The following PPP2R2B variants were observed in gnomAD, a reference collection of about 807,000 sequenced individuals.
PPP2R2B encodes protein phosphatase 2 regulatory subunit Bbeta.
A neutral mutation model predicts 46.0 loss-of-function variants in PPP2R2B; 5 were observed. That is an observed-to-expected ratio of 0.11 (90% CI 0.06 to 0.23). The LOEUF (loss-of-function observed/expected upper bound fraction) is 0.23, where lower values mean the gene tolerates loss of function less well. PPP2R2B is among the 10% of genes least tolerant of loss of function. PPP2R2B has a pLI of 1.00. For missense variants in PPP2R2B, 367 were observed against 575.0 expected (o/e 0.64, Z 3.70); for synonymous variants, 215 against 206.7 (o/e 1.04, Z -0.34).
chr5:146,693,896 A>G (rs374028922), intron 4 of PPP2R2B, among the ~76,000 whole-genome samples: 5 of 152,154 alleles, frequency 3.3e-5, no homozygotes, highest in African/African-American at 1.2e-4. Flanking sequence ...AGCACATCCT[A>G]TTTCTTATCT....
At position 146,912,820 on chromosome 5, in the gene PPP2R2B, G is replaced by GATTC. The variant is rs199653364; in HGVS notation, c.79+142841_79+142844dup. Among the ~76,000 whole-genome samples the GATTC allele has an allele frequency of 6.4e-3, 977 of 152,002 alleles. 11 individuals carry two copies. Among genetic ancestry groups the GATTC allele is most frequent in the African/African-American group, 0.022 (932 of 41,474 alleles). On this transcript the variant is annotated intron_variant, in intron 1 of 8. Transcript: ENST00000336640. ...CCGCACCCGGCCTCTTTCAACTTTT[G>GATTC]ATTCATTCATTCATCTGCTTATTAA...
chr5:147,008,032 C>T (rs936879467), intron 1 of PPP2R2B, among the ~76,000 whole-genome samples: 8 of 152,130 alleles, frequency 5.3e-5, no homozygotes, highest in African/African-American at 1.9e-4. Context: ...CAAGAAAAAC[C>T]TTTGGATCGA....
At chr5:146,863,627 CCCAT>C (rs932394817) in intron 2 of PPP2R2B, among the ~76,000 whole-genome samples, 48 of 150,242 alleles carry the variant, frequency 3.2e-4, no homozygotes, top group East Asian at 9.7e-4. Context: ...CATTCAACTG[CCCAT>C]CCATCCATCT....
At chr5:146,701,730 G>C (rs1779551445) in intron 2 of PPP2R2B, among the ~76,000 whole-genome samples, 1 of 152,190 alleles carries the variant, frequency 6.6e-6, no homozygotes, top group African/African-American at 2.4e-5. Context: ...CATCCTTCTG[G>C]AAGAGCATGA....
intron 2 of PPP2R2B, among the ~76,000 whole-genome samples, chr5:146,846,045 TTAAAA>T (rs981249475): frequency 1.1e-4 from 16 of 152,342 alleles, no homozygotes; most frequent in African/African-American, 3.8e-4. Flanking sequence ...TGATTACATA[TTAAAA>T]TAATATTTTT....
At chr5:146,929,407 C>T (rs565315668) in intron 1 of PPP2R2B, among the ~76,000 whole-genome samples, 2 of 152,112 alleles carry the variant, frequency 1.3e-5, no homozygotes, top group East Asian at 3.9e-4. Flanking sequence ...TTCTATGGTT[C>T]TGATATAGTT....
chr5:146,850,325 T>C (rs1760266645), intron 2 of PPP2R2B, among the ~76,000 whole-genome samples: 1 of 152,184 alleles, frequency 6.6e-6, no homozygotes. Flanking sequence ...GCAGCCAGAA[T>C]AGTATTTTTG....
chr5:146,912,889 T>C (rs1763243368), intron 1 of PPP2R2B, among the ~76,000 whole-genome samples: 1 of 152,210 alleles, frequency 6.6e-6, no homozygotes, highest in Non-Finnish European at 1.5e-5. Flanking sequence ...TGTCAAGTAC[T>C]ACCGTCATAT....
At chr5:146,810,720 TAATA>T (rs1757482117) in intron 2 of PPP2R2B, among the ~76,000 whole-genome samples, 1 of 151,992 alleles carries the variant, frequency 6.6e-6, no homozygotes, top group Admixed American at 6.5e-5. Context: ...TTTTTCTTTT[TAATA>T]TATATATTTT....
intron 2 of PPP2R2B, among the ~76,000 whole-genome samples, chr5:146,708,370 A>G (rs1780005420): frequency 6.7e-6 from 1 of 149,602 alleles, no homozygotes; most frequent in African/African-American, 2.5e-5. Flanking sequence ...AAAAAAAAAA[A>G]CACTGTATAT....
At chr5:146,624,910 C>G (rs551954942) in intron 7 of PPP2R2B, among the ~76,000 whole-genome samples, 1 of 152,354 alleles carries the variant, frequency 6.6e-6, no homozygotes, top group Admixed American at 6.5e-5. Context: ...TTCAGAGCCA[C>G]TCCATTTGCT....
At chr5:146,841,712 T>C (rs1469010769) in intron 2 of PPP2R2B, among the ~76,000 whole-genome samples, 1 of 152,122 alleles carries the variant, frequency 6.6e-6, no homozygotes, top group Non-Finnish European at 1.5e-5. Flanking sequence ...ATGTTCTCAC[T>C]TATAAGTGGG....
chr5:147,037,431 T>C (rs1208367579), intron 1 of PPP2R2B, among the ~76,000 whole-genome samples: 3 of 151,966 alleles, frequency 2.0e-5, no homozygotes, highest in South Asian at 2.1e-4. Context: ...TACATATATG[T>C]ATATGTATAT....
At chr5:146,902,040 A>G (rs1762851807) in intron 1 of PPP2R2B, among the ~76,000 whole-genome samples, 1 of 152,190 alleles carries the variant, frequency 6.6e-6, no homozygotes, top group South Asian at 2.1e-4. Flanking sequence ...TGAAGAGCTG[A>G]AAGCACAGCA....
At chr5:146,975,082 AAACTCACATTATTGTTC>A (rs927765007) in intron 1 of PPP2R2B, among the ~76,000 whole-genome samples, 1 of 152,162 alleles carries the variant, frequency 6.6e-6, no homozygotes, top group Non-Finnish European at 1.5e-5. Flanking sequence ...AGTGTTACAT[AAACTCACATTATTGTTC>A]AACCAATCTC....
intron 2 of PPP2R2B, among the ~76,000 whole-genome samples, chr5:146,736,451 A>G (rs1404236282): frequency 6.6e-6 from 1 of 152,236 alleles, no homozygotes; most frequent in Non-Finnish European, 1.5e-5. Context: ...TTTAAAAATG[A>G]GTAAACTGAG....
chr5:146,962,901 G>C (rs1216638644), intron 1 of PPP2R2B, among the ~76,000 whole-genome samples: 1 of 152,110 alleles, frequency 6.6e-6, no homozygotes, highest in African/African-American at 2.4e-5. Context: ...GCTACCTCTT[G>C]TTTTACAGGT....
At chr5:146,734,725 C>A (rs1752437068) in intron 2 of PPP2R2B, among the ~76,000 whole-genome samples, 1 of 152,156 alleles carries the variant, frequency 6.6e-6, no homozygotes, top group African/African-American at 2.4e-5. Flanking sequence ...TGGATAAAAT[C>A]AATGTCTACC....
At chr5:146,903,281 C>T (rs1375494247) in intron 1 of PPP2R2B, among the ~76,000 whole-genome samples, 4 of 151,778 alleles carry the variant, frequency 2.6e-5, no homozygotes, top group African/African-American at 9.7e-5. Context: ...CTTTGAGGTT[C>T]TCAATCATTT....
Sources: gnomAD v4.1 joint callset for allele counts (sites outside exome capture counted in the v4.1 genomes callset) on GRCh38, gnomAD v4.1.1 for gene constraint, MANE v1.5 for transcripts, NCBI Gene and HGNC (gene_info 2026-07-23, HGNC 2026-07-21) for gene names.